Variants in ETV6 observed in about 807,000 individuals in gnomAD.
ETV6 encodes the protein transcription factor ETV6.
A neutral mutation model predicts 51.1 loss-of-function variants in ETV6; 16 were observed. The observed-to-expected ratio is 0.31, with a 90% CI of 0.21 to 0.48. The LOEUF (loss-of-function observed/expected upper bound fraction) is 0.48. Ranked by LOEUF, ETV6 falls within the 20% of genes least tolerant of loss-of-function variation. The pLI is 0.99. For synonymous variants in ETV6, 240 were observed against 224.1 expected (o/e 1.07, Z -0.64); for missense variants, 458 against 594.8 (o/e 0.77, Z 2.39).
intron 3 of ETV6, among the ~76,000 whole-genome samples, chr12:11,850,808 A>T (rs1946542623): frequency 6.6e-6 from 1 of 152,166 alleles, no homozygotes; most frequent in Non-Finnish European, 1.5e-5. Flanking sequence ...GTCTTTCCTC[A>T]GTTTCTCTCT....
intron 2 of ETV6, among the ~76,000 whole-genome samples, chr12:11,791,565 A>G (rs143979406): frequency 1.3e-5 from 2 of 152,378 alleles, no homozygotes; most frequent in Non-Finnish European, 2.9e-5. Context: ...AAGTAGTTGT[A>G]GCTTTGTATT....
chr12:11,723,683 T>C (rs138746848), intron 1 of ETV6, among the ~76,000 whole-genome samples: 85 of 152,014 alleles, frequency 5.6e-4, no homozygotes, highest in Middle Eastern at 3.4e-3. Context: ...TTCCCTTCTC[T>C]TCCTTTGTCC....
At chr12:11,710,572 G>A (rs938378300) in intron 1 of ETV6, among the ~76,000 whole-genome samples, 2 of 152,110 alleles carry the variant, frequency 1.3e-5, no homozygotes, top group Non-Finnish European at 1.5e-5. Flanking sequence ...TGCTTCTGAC[G>A]CTTCTGAAAC....
intron 2 of ETV6, among the ~76,000 whole-genome samples, chr12:11,755,622 A>T (rs563279293): frequency 6.0e-4 from 91 of 152,308 alleles, no homozygotes; most frequent in African/African-American, 2.1e-3. Context: ...CACACACTTA[A>T]AGATGCATCC....
intron 2 of ETV6, among the ~76,000 whole-genome samples, chr12:11,829,004 C>G (rs1424112431): frequency 6.6e-6 from 1 of 152,148 alleles, no homozygotes; most frequent in Non-Finnish European, 1.5e-5. Flanking sequence ...CCTCCTTCAG[C>G]CTTCTTTCCT....
In ETV6 at chr12:11,853,550, A is replaced by G; in HGVS notation, c.452A>G (p.Asn151Ser). The change falls in exon 4 of 8, where the codon AAC becomes AGC. Residue 151 changes from asparagine to serine, a missense_variant. Asn to Ser is a conservative substitution (Grantham distance 46). Transcript: ENST00000396373. The part of the protein sequence containing the change: ...HTQPEVILHQ[N>S]HEEDNCVQRT... ...CAGCCGGAGGTCATACTGCATCAGA[A>G]CCATGAAGAAGGTACTGGAAGAGGT... 6.2e-7 allele frequency: 1 copy of G among 1,614,270 alleles called. No homozygotes were observed. Among genetic ancestry groups the G allele is most frequent in the Non-Finnish European group, 8.5e-7 (1 of 1,180,048 alleles).
chr12:11,884,387 G>GT (rs1194791234), intron 5 of ETV6, 58 bp from the exon 6 acceptor site: 13 of 1,590,000 alleles, frequency 8.2e-6, no homozygotes, highest in Non-Finnish European at 1.1e-5. Flanking sequence ...GATTCTTCTG[G>GT]TTAGTGCCTC....
At chr12:11,769,757 G>A (rs775431095) in intron 2 of ETV6, among the ~76,000 whole-genome samples, 31 of 152,220 alleles carry the variant, frequency 2.0e-4, no homozygotes, top group Non-Finnish European at 3.8e-4. Flanking sequence ...CTCCTCTGGT[G>A]AGGAAGTGCG....
intron 2 of ETV6, among the ~76,000 whole-genome samples, chr12:11,827,068 T>TCA (rs1491232978): frequency 3.0e-5 from 3 of 100,420 alleles, no homozygotes; most frequent in South Asian, 3.6e-4. Flanking sequence ...GAGAAGTCTG[T>TCA]CTCACACACA....
In ETV6 at chr12:11,731,583, C is replaced by T. The variant is rs7980069; in HGVS notation, c.34-20867C>T. On this transcript the variant is annotated intron_variant, in intron 1 of 7. Coordinates refer to ENST00000396373, the MANE Select transcript of ETV6 (RefSeq NM_001987.5). ...TGTCTTATTGGCCTTTAAGGAAAAG[C>T]GAATTTCAGAAAAACATGGGACGGA... is the stretch of plus-strand genomic sequence containing the variant. Among the ~76,000 whole-genome samples the T allele has an allele frequency of 9.1e-3, 1,381 of 151,756 alleles. 25 individuals are homozygous for T. The highest frequency in any genetic ancestry group is 0.032 in the African/African-American group (1,311 of 41,392).
intron 2 of ETV6, among the ~76,000 whole-genome samples, chr12:11,802,031 CTTTG>C (rs543455874): frequency 2.2e-4 from 33 of 152,284 alleles, no homozygotes; most frequent in African/African-American, 7.0e-4. Context: ...GCGAGGAACT[CTTTG>C]TTTGTGCAGT....
At position 11,788,333 on chromosome 12, in the gene ETV6, C is replaced by T. The variant is rs887504864; in HGVS notation, c.163+35754C>T. ...TTCACCCACAAATTGGGCCTTTTTC[C>T]CCCTCCACAGTGTGTAACCAAACGC... On this transcript the variant is annotated intron_variant, in intron 2 of 7. Coordinates refer to ENST00000396373, the MANE Select transcript of ETV6 (RefSeq NM_001987.5). Among the ~76,000 whole-genome samples, 8 of 152,008 alleles carry T rather than the reference C, an allele frequency of 5.3e-5. No individual in the cohort carries two copies. In the East Asian group the frequency reaches 1.5e-3, roughly 29 times the overall value.
Position 11,891,580 on chromosome 12 carries a change from G to A in ETV6, c.*534G>A. The A allele has an allele frequency of 1.9e-6, 1 of 534,284 alleles. No homozygotes were observed. The highest frequency in any genetic ancestry group is 1.5e-5 in the South Asian group (1 of 65,026). 33.1% of individuals were successfully genotyped at this position (534,284 alleles called of 1,614,324 possible). A position where few individuals can be genotyped will look rare whatever the true frequency, so the allele number is the denominator to read the frequency against. On this transcript the variant is annotated 3_prime_UTR_variant, in exon 8 of 8. Transcript: ENST00000396373. ...TGCCACGTGGATCAGGTCTGTTCCT[G>A]TTACTGTTGGGTCTTGGCTGAAAAA...
intron 2 of ETV6, among the ~76,000 whole-genome samples, chr12:11,778,104 C>G (rs1945358828): frequency 6.6e-6 from 1 of 152,200 alleles, no homozygotes; most frequent in Non-Finnish European, 1.5e-5. Context: ...AGAAAATGCA[C>G]CGGCTTTGGA....
intron 1 of ETV6, among the ~76,000 whole-genome samples, chr12:11,684,648 C>T (rs1167852433): frequency 6.6e-6 from 1 of 152,176 alleles, no homozygotes; most frequent in Non-Finnish European, 1.5e-5. Flanking sequence ...GTACTAGTCA[C>T]TCAGAATTTC....
At chr12:11,774,436 A>G (rs751591493) in intron 2 of ETV6, among the ~76,000 whole-genome samples, 2 of 152,172 alleles carry the variant, frequency 1.3e-5, no homozygotes, top group East Asian at 1.9e-4. Flanking sequence ...TGAAGAGACT[A>G]TGGACTCTGC....
chr12:11,792,919 C>G (rs1292729883), intron 2 of ETV6, among the ~76,000 whole-genome samples: 2 of 151,946 alleles, frequency 1.3e-5, no homozygotes, highest in African/African-American at 4.8e-5. Flanking sequence ...TCTTGTTTAA[C>G]TAGAGCAGTG....
chr12:11,889,303 G>A (rs929230266), intron 7 of ETV6, among the ~76,000 whole-genome samples: 3 of 152,178 alleles, frequency 2.0e-5, no homozygotes, highest in Admixed American at 6.5e-5. Flanking sequence ...AAGATTGATA[G>A]GCTTCCAATA....
intron 2 of ETV6, among the ~76,000 whole-genome samples, chr12:11,834,409 G>A (rs1946285964): frequency 6.6e-6 from 1 of 152,198 alleles, no homozygotes; most frequent in Admixed American, 6.5e-5. Context: ...GAGTGGTTTT[G>A]CTGAATGGCT....
Sources: gnomAD v4.1 joint callset for allele counts (sites outside exome capture counted in the v4.1 genomes callset) on GRCh38, gnomAD v4.1.1 for gene constraint, MANE v1.5 for transcripts, NCBI Gene and HGNC (gene_info 2026-07-23, HGNC 2026-07-21) for gene names.